ZBTB20: variants seen among roughly 807,000 people sequenced by gnomAD.
The protein encoded by ZBTB20 is zinc finger and BTB domain-containing protein 20.
Under a neutral mutation model 56.9 loss-of-function variants are expected in ZBTB20, and 9 were observed. That is an observed-to-expected ratio of 0.16 (90% CI 0.10 to 0.28). ZBTB20 has a LOEUF of 0.28. ZBTB20 is among the 10% of genes least tolerant of loss of function. The pLI is 1.00. For missense variants in ZBTB20, 655 were observed against 1,003.0 expected, an observed-to-expected ratio of 0.65 and a Z score of 4.69; for synonymous variants, 417 against 420.7, an observed-to-expected ratio of 0.99 and a Z score of 0.11.
At chr3:114,614,951 T>A (rs2669890) in intron 6 of ZBTB20, among the ~76,000 whole-genome samples, 42,719 of 151,800 alleles carry the variant, frequency 0.28, 7,529 homozygotes, top group African/African-American at 0.49. Context: ...AGAGACGAGG[T>A]TTCATCATGT....
chr3:114,749,191 A>AATCTAG (rs1417876784), intron 5 of ZBTB20, among the ~76,000 whole-genome samples: 2 of 152,154 alleles, frequency 1.3e-5, no homozygotes, highest in African/African-American at 2.4e-5. Context: ...AGATCTAGTC[A>AATCTAG]ATCTATAGCC....
chr3:115,005,085 A>G (rs1328626336), intron 2 of ZBTB20, among the ~76,000 whole-genome samples: 2 of 151,716 alleles, frequency 1.3e-5, no homozygotes, highest in Non-Finnish European at 3.0e-5. Context: ...ATTGTATTCA[A>G]GCCAACAACC....
Position 114,389,619 on chromosome 3 carries a change from C to G in ZBTB20, c.-254-514G>C, listed in dbSNP as rs148466014. On this transcript the variant is annotated intron_variant, in intron 7 of 11. Transcript: ENST00000675478. ...AAATATGCATTACCGGCTGGGTGTG[C>G]TGGCTCACACCTGTAATCCCAGCAC... is the stretch of plus-strand genomic sequence containing the variant. Among the ~76,000 whole-genome samples, 1,119 of 151,894 alleles carry G rather than the reference C, an allele frequency of 7.4e-3. 12 individuals carry two copies. Among genetic ancestry groups the G allele is most frequent in the African/African-American group, 0.024 (995 of 41,412 alleles).
intron 11 of ZBTB20, among the ~76,000 whole-genome samples, chr3:114,349,495 T>C (rs2080468205): frequency 6.6e-6 from 1 of 152,200 alleles, no homozygotes; most frequent in African/African-American, 2.4e-5. Context: ...TCCCTAAAAA[T>C]GTTCATCCAT....
chr3:114,779,611 T>A (rs1473135094), intron 5 of ZBTB20, among the ~76,000 whole-genome samples: 1 of 152,214 alleles, frequency 6.6e-6, no homozygotes, highest in Non-Finnish European at 1.5e-5. Context: ...CTTAACCCTT[T>A]TAGCACAGAT....
chr3:114,396,036 G>C (rs1422635583), intron 7 of ZBTB20, among the ~76,000 whole-genome samples: 1 of 151,932 alleles, frequency 6.6e-6, no homozygotes, highest in African/African-American at 2.4e-5. Flanking sequence ...ACACAATCAT[G>C]AATTTCTGGT....
chr3:114,497,150 C>T (rs1457365172), intron 7 of ZBTB20, among the ~76,000 whole-genome samples: 1 of 152,220 alleles, frequency 6.6e-6, no homozygotes. Context: ...TTCAACACTA[C>T]CAAATAGCCT....
chr3:115,091,508 G>A (rs912114100), intron 1 of ZBTB20, among the ~76,000 whole-genome samples: 1 of 151,926 alleles, frequency 6.6e-6, no homozygotes, highest in Non-Finnish European at 1.5e-5. Flanking sequence ...ATACACACTT[G>A]TGAATAGGCA....
chr3:114,699,762 A>G (rs567664905), intron 5 of ZBTB20, among the ~76,000 whole-genome samples: 1 of 152,238 alleles, frequency 6.6e-6, no homozygotes, highest in Non-Finnish European at 1.5e-5. Flanking sequence ...CAATATGTCA[A>G]CAAGATCATT....
intron 6 of ZBTB20, among the ~76,000 whole-genome samples, chr3:114,535,313 C>T (rs1215662252): frequency 2.6e-5 from 4 of 152,082 alleles, no homozygotes; most frequent in Non-Finnish European, 5.9e-5. Context: ...GGGGATATCA[C>T]CACTGATCCC....
chr3:114,810,268 T>A (rs1578971146), intron 4 of ZBTB20, among the ~76,000 whole-genome samples: 1 of 152,230 alleles, frequency 6.6e-6, no homozygotes, highest in East Asian at 1.9e-4. Context: ...AAGTTCACTA[T>A]GATAGTATCC....
intron 6 of ZBTB20, among the ~76,000 whole-genome samples, chr3:114,599,852 T>C (rs2056622673): frequency 6.6e-5 from 10 of 151,988 alleles, no homozygotes. Flanking sequence ...TTATCTAGAT[T>C]AGGGTTACAT....
chr3:114,399,383 G>T (rs1474299896), intron 7 of ZBTB20, among the ~76,000 whole-genome samples: 1 of 152,062 alleles, frequency 6.6e-6, no homozygotes. Flanking sequence ...AATAGGTATA[G>T]CTTGTATTAT....
chr3:114,615,578 C>T (rs2057876549), intron 6 of ZBTB20, among the ~76,000 whole-genome samples: 1 of 152,176 alleles, frequency 6.6e-6, no homozygotes, highest in South Asian at 2.1e-4. Flanking sequence ...GAAACAAGAA[C>T]TCCTGTACTC....
chr3:114,842,914 T>C lies in ZBTB20; in HGVS notation c.-416-41740A>G, dbSNP rs564742971. 3.3e-5 allele frequency among the ~76,000 whole-genome samples: 5 copies of C among 152,278 alleles called. No homozygotes were observed. The East Asian group carries it at 9.6e-4, about 29-fold the overall frequency. On this transcript the variant is annotated intron_variant, in intron 4 of 11. Transcript: ENST00000675478. ...GTCCCCAACCAAATCTTACCTTGAA[T>C]TGTAATCCCAGGGACCTGGTGGAAG...
At chr3:114,718,578 G>A (rs117885901) in intron 5 of ZBTB20, among the ~76,000 whole-genome samples, 1 of 152,096 alleles carries the variant, frequency 6.6e-6, no homozygotes, top group East Asian at 1.9e-4. Flanking sequence ...AGAAAATATC[G>A]CAAGATATTA....
chr3:114,695,331 A>C (rs531844724), intron 5 of ZBTB20, among the ~76,000 whole-genome samples: 23 of 152,026 alleles, frequency 1.5e-4, no homozygotes, highest in African/African-American at 4.3e-4. Context: ...ATAAAAAAAA[A>C]CAGAAAAATG....
chr3:114,376,482 G>A lies in ZBTB20; in HGVS notation c.199+3735C>T, dbSNP rs560370570. On this transcript the variant is annotated intron_variant, in intron 10 of 11. Coordinates refer to ENST00000675478, the MANE Select transcript of ZBTB20 (RefSeq NM_001348800.3). Reference sequence around the variant, plus strand: ...TTGTTCTCTAAAAAATTGCTTAAAAGTTCAAAATGAGCCAAGTGTACTAAA... The same window carrying A: ...TTGTTCTCTAAAAAATTGCTTAAAAATTCAAAATGAGCCAAGTGTACTAAA... Among the ~76,000 whole-genome samples the A allele has an allele frequency of 2.6e-5, 4 of 152,276 alleles. No homozygotes were observed. The South Asian group carries it at 8.3e-4, about 32-fold the overall frequency.
At position 114,331,472 on chromosome 3, in the gene ZBTB20, A is replaced by G. The variant is rs910820616; in HGVS notation, c.*7533T>C. 3 of 152,188 alleles carry G rather than the reference A, an allele frequency of 2.0e-5. No homozygotes were observed. Among genetic ancestry groups the G allele is most frequent in the African/African-American group, 7.2e-5 (3 of 41,458 alleles). 9.4% of individuals were successfully genotyped at this position (152,188 alleles called of 1,614,324 possible). ...GAAGGGAGCCACAAGTCTTAAACAC[A>G]ATGGTGGGAAGAGGCAACTGTATCT... On this transcript the variant is annotated 3_prime_UTR_variant, in exon 12 of 12. Coordinates refer to ENST00000675478, the MANE Select transcript of ZBTB20 (RefSeq NM_001348800.3).
Sources: gnomAD v4.1 joint callset for allele counts (sites outside exome capture counted in the v4.1 genomes callset) on GRCh38, gnomAD v4.1.1 for gene constraint, MANE v1.5 for transcripts, NCBI Gene and HGNC (gene_info 2026-07-23, HGNC 2026-07-21) for gene names.